The following MBD5 variants were observed in gnomAD, a reference collection of about 807,000 sequenced individuals.
MBD5 encodes the protein methyl-CpG-binding domain protein 5.
Under a neutral mutation model 117.3 loss-of-function variants are expected in MBD5, and 13 were observed. The ratio of observed to expected loss-of-function variants is 0.11; its 90% CI spans 0.07 to 0.18. MBD5 has a LOEUF of 0.18. MBD5 is among the 10% of genes least tolerant of loss of function. The pLI is 1.00. For synonymous variants in MBD5, 727 were observed against 766.4 expected (o/e 0.95, Z 0.85); for missense variants, 1,879 against 2,093.8 (o/e 0.90, Z 2.00).
At chr2:148,240,551 C>T (rs1700196078) in intron 3 of MBD5, among the ~76,000 whole-genome samples, 1 of 152,148 alleles carries the variant, frequency 6.6e-6, no homozygotes. Context: ...CACCCAACCT[C>T]ATTATGAATT....
At chr2:148,474,305 A>G (rs1374591264) in intron 8 of MBD5, among the ~76,000 whole-genome samples, 1 of 152,126 alleles carries the variant, frequency 6.6e-6, no homozygotes, top group Non-Finnish European at 1.5e-5. Flanking sequence ...CAGTAACCCA[A>G]GCCTCTGCAG....
chr2:148,354,078 G>A (rs561396215), intron 4 of MBD5, among the ~76,000 whole-genome samples: 2 of 152,022 alleles, frequency 1.3e-5, no homozygotes, highest in African/African-American at 2.4e-5. Context: ...TAAAATTAAT[G>A]CCAGTTACAT....
intron 3 of MBD5, among the ~76,000 whole-genome samples, chr2:148,246,911 A>G (rs1160070040): frequency 1.3e-5 from 2 of 152,162 alleles, no homozygotes; most frequent in Admixed American, 1.3e-4. Context: ...ACGGATGATG[A>G]CTTAGCATAC....
intron 3 of MBD5, among the ~76,000 whole-genome samples, chr2:148,288,021 A>G (rs1701403100): frequency 6.6e-6 from 1 of 151,554 alleles, no homozygotes; most frequent in Non-Finnish European, 1.5e-5. Flanking sequence ...ATCTCAAATA[A>G]CTCATCAACT....
At chr2:148,266,630 A>G (rs907876047) in intron 3 of MBD5, among the ~76,000 whole-genome samples, 2 of 152,114 alleles carry the variant, frequency 1.3e-5, no homozygotes, top group Non-Finnish European at 2.9e-5. Flanking sequence ...GAGTTAATAG[A>G]AAATGTCTGC....
At chr2:148,206,526 A>G (rs1332446632) in intron 2 of MBD5, among the ~76,000 whole-genome samples, 2 of 152,034 alleles carry the variant, frequency 1.3e-5, no homozygotes, top group Non-Finnish European at 2.9e-5. Flanking sequence ...AAATATTCCT[A>G]TTTTGCTATT....
chr2:148,314,074 T>G (rs1393641132), intron 3 of MBD5, among the ~76,000 whole-genome samples: 1 of 151,980 alleles, frequency 6.6e-6, no homozygotes, highest in Admixed American at 6.6e-5. Context: ...AGATCGGAGC[T>G]ATTCCTATTC....
At chr2:148,061,059 C>T (rs746108975) in intron 1 of MBD5, among the ~76,000 whole-genome samples, 8 of 151,870 alleles carry the variant, frequency 5.3e-5, no homozygotes, top group African/African-American at 9.7e-5. Context: ...ATAGTTTTTG[C>T]GGTTTAATTT....
At chr2:148,472,750 C>T (rs1163744431) in intron 8 of MBD5, among the ~76,000 whole-genome samples, 1 of 152,038 alleles carries the variant, frequency 6.6e-6, no homozygotes, top group Non-Finnish European at 1.5e-5. Flanking sequence ...TCTATGATAC[C>T]AGAAAGACAT....
chr2:148,395,041 C>T (rs1020887120), intron 4 of MBD5, among the ~76,000 whole-genome samples: 3 of 152,122 alleles, frequency 2.0e-5, no homozygotes, highest in African/African-American at 7.2e-5. Flanking sequence ...GAACAGAAAA[C>T]CCATTCATGC....
chr2:148,394,294 G>T (rs1343038183), intron 4 of MBD5, among the ~76,000 whole-genome samples: 2 of 151,978 alleles, frequency 1.3e-5, no homozygotes, highest in African/African-American at 4.8e-5. Flanking sequence ...TTGAAAATTT[G>T]GTAGAATCTA....
intron 12 of MBD5, among the ~76,000 whole-genome samples, chr2:148,503,669 C>A (rs1361303014): frequency 2.6e-5 from 4 of 152,154 alleles, no homozygotes; most frequent in African/African-American, 4.8e-5. Context: ...CAAATTGGTA[C>A]TGGCTGTGTG....
chr2:148,055,003 C>G (rs1694817972), intron 1 of MBD5: 1 of 152,178 alleles, frequency 6.6e-6, no homozygotes, highest in Non-Finnish European at 1.5e-5. Context: ...TTTTAATTTA[C>G]AGTTCCCCAA....
intron 1 of MBD5, among the ~76,000 whole-genome samples, chr2:148,121,249 G>T (rs980124740): frequency 1.3e-5 from 2 of 152,132 alleles, no homozygotes; most frequent in Admixed American, 1.3e-4. Context: ...TAGAGTAGCA[G>T]TTGACACTTG....
At chr2:148,319,772 A>G (rs973083843) in intron 3 of MBD5, among the ~76,000 whole-genome samples, 1 of 152,170 alleles carries the variant, frequency 6.6e-6, no homozygotes, top group Admixed American at 6.5e-5. Flanking sequence ...TTGCTGTGGC[A>G]AGGACTTCCG....
At chr2:148,364,208 G>T (rs955565479) in intron 4 of MBD5, among the ~76,000 whole-genome samples, 2 of 152,126 alleles carry the variant, frequency 1.3e-5, no homozygotes, top group African/African-American at 2.4e-5. Flanking sequence ...TTAAAGAAAA[G>T]AATTTTCAAC....
intron 4 of MBD5, among the ~76,000 whole-genome samples, chr2:148,383,170 G>GT (rs992425504): frequency 1.5e-4 from 23 of 152,038 alleles, no homozygotes; most frequent in African/African-American, 9.7e-5. Flanking sequence ...TCCAGGAGCT[G>GT]TTTTTTTGAA....
intron 1 of MBD5, among the ~76,000 whole-genome samples, chr2:148,042,076 A>G (rs1376319827): frequency 6.6e-6 from 1 of 152,168 alleles, no homozygotes; most frequent in Non-Finnish European, 1.5e-5. Context: ...AGAAAACCTA[A>G]AAATATATGT....
At position 148,489,654 on chromosome 2, in the gene MBD5, T is replaced by G; in HGVS notation, c.4022T>G (p.Val1341Gly). ...ATGCAGGTTGTCATCACCACTGCAG[T>G]CAACAGTACAACTCAGATCAGCCCC... ...KGMQVVITTA[V>G]NSTTQISPIP... The change falls in exon 11 of 14, where the codon GTC becomes GGC. Residue 1341 changes from valine (V) to glycine (G), a missense_variant. Physicochemically the swap from Val to Gly is moderately radical, Grantham distance 109. Transcript: ENST00000642680. 1 of 1,614,140 alleles carries G rather than the reference T, an allele frequency of 6.2e-7. No individual in the cohort carries two copies. The highest frequency in any genetic ancestry group is 8.5e-7 in the Non-Finnish European group (1 of 1,180,034).
Sources: allele counts gnomAD v4.1 joint callset (sites outside exome capture counted in the v4.1 genomes callset), GRCh38; gene constraint gnomAD v4.1.1; transcripts MANE v1.5; gene names NCBI Gene and HGNC (gene_info 2026-07-23, HGNC 2026-07-21).